Variants in TBCD observed in about 807,000 individuals in gnomAD.
TBCD encodes tubulin folding cofactor D.
Under a neutral mutation model 169.3 loss-of-function variants are expected in TBCD, and 105 were observed. The observed-to-expected ratio is 0.62, with a 90% CI of 0.53 to 0.73. The LOEUF (loss-of-function observed/expected upper bound fraction) is 0.73, where lower values mean the gene tolerates loss of function less well. TBCD is among the 30% of genes least tolerant of loss of function. TBCD has a pLI of 0.00. For missense variants in TBCD, 1,444 were observed against 1,600.1 expected (o/e 0.90, Z 1.66); for synonymous variants, 700 against 643.9 (o/e 1.09, Z -1.32).
intron 11 of TBCD, among the ~76,000 whole-genome samples, chr17:82,808,519 C>T: frequency 2.3e-5 from 1 of 43,120 alleles, no homozygotes; most frequent in East Asian, 6.9e-4. Flanking sequence ...GAGGCCCCTG[C>T]TGTGGAGGGG....
At chr17:82,845,650 C>A (rs2054974347) in intron 13 of TBCD, among the ~76,000 whole-genome samples, 1 of 151,700 alleles carries the variant, frequency 6.6e-6, no homozygotes, top group Non-Finnish European at 1.5e-5. Context: ...CTGCCCAGCC[C>A]ACCCCGGTCC....
chr17:82,766,133 T>C (rs1170818139), intron 3 of TBCD, 134 bp from the exon 4 acceptor site: 1 of 706,026 alleles, frequency 1.4e-6, no homozygotes, highest in Non-Finnish European at 2.4e-6. Flanking sequence ...CTAAATTGTG[T>C]CACTGTAATG....
rs1285577474 is a variant in TBCD, at chr17:82,927,247, G to A, written c.2533G>A (p.Val845Ile). The stretch of plus-strand genomic sequence containing the variant: ...AGACGAAGCTGTGTGCGGAGAGAAT[G>A]TTTCCCAGATTTACTGTGCGCTGCT... ...APDEAVCGEN[V>I]SQIYCALLGC... Residue 845 changes from valine (V) to isoleucine (I), a missense_variant, in exon 29 of 39, where the codon GTT (valine) becomes ATT (isoleucine). By Grantham distance (29) the Val-to-Ile change is conservative. Coordinates refer to ENST00000355528, the MANE Select transcript of TBCD (RefSeq NM_005993.5). The A allele has an allele frequency of 1.9e-6, 3 of 1,613,942 alleles. No individual in the cohort carries two copies. The highest frequency in any genetic ancestry group is 1.1e-5 in the South Asian group (1 of 91,074).
chr17:82,766,947 G>T (rs771645897), intron 4 of TBCD, among the ~76,000 whole-genome samples: 7 of 152,222 alleles, frequency 4.6e-5, no homozygotes, highest in Non-Finnish European at 7.3e-5. Context: ...GGTGCCCAGA[G>T]CTTTCACTGG....
At position 82,831,495 on chromosome 17, in the gene TBCD, T is replaced by C. The variant is rs1233434519; in HGVS notation, c.1318+16561T>C. The C allele has an allele frequency of 6.2e-7, 1 of 1,613,980 alleles. No homozygotes were observed. The highest frequency in any genetic ancestry group is 1.7e-5 in the Admixed American group (1 of 60,004). ...AAAATGCAGACTCTGGCCTGTAAAA[T>C]CCGTAAGGAATCGGCAGGTTAGAGG... On this transcript the variant is annotated intron_variant, in intron 13 of 38. Transcript: ENST00000355528. The surrounding 1 kb of genome is among the most constrained non-coding windows in gnomAD (Gnocchi z 4.6).
chr17:82,866,926 A>G (rs1293913548), intron 13 of TBCD, among the ~76,000 whole-genome samples: 1 of 152,214 alleles, frequency 6.6e-6, no homozygotes, highest in Non-Finnish European at 1.5e-5. Context: ...CTCCTAGGCC[A>G]TCAGTTTTCC....
chr17:82,808,759 C>G (rs2051204804), intron 11 of TBCD, among the ~76,000 whole-genome samples: 1 of 146,536 alleles, frequency 6.8e-6, no homozygotes, highest in Non-Finnish European at 1.5e-5. Flanking sequence ...CAGGGAGGTC[C>G]CTGCTGTGGA....
chr17:82,842,641 A>AT (rs1464421050), intron 13 of TBCD, among the ~76,000 whole-genome samples: 3 of 152,030 alleles, frequency 2.0e-5, no homozygotes, highest in Non-Finnish European at 4.4e-5. Flanking sequence ...TGCAAGAGAG[A>AT]TTTTTTTGGA....
rs1161583523 is a variant in TBCD, at chr17:82,942,596, A to G, written c.*133A>G. 7 of 1,229,644 alleles carry G rather than the reference A, an allele frequency of 5.7e-6. No individual in the cohort carries two copies. Among genetic ancestry groups the G allele is most frequent in the Non-Finnish European group, 7.0e-6 (6 of 854,306 alleles). The allele number at this position is 1,229,644 out of a possible 1,614,324, so 76.2% of individuals were successfully genotyped here. A position where few individuals can be genotyped will look rare whatever the true frequency, so the allele number is the denominator to read the frequency against. On this transcript the variant is annotated 3_prime_UTR_variant, in exon 39 of 39. Transcript: ENST00000355528. ...GTAGCGCTGGCCCTTGGAGGCTGGC[A>G]CTAGCTGACAGCTTTTCCTCTCTGC...
In TBCD at chr17:82,841,772, A is replaced by G. The variant is rs370421438; in HGVS notation, c.1318+26838A>G. On this transcript the variant is annotated intron_variant, in intron 13 of 38. Transcript: ENST00000355528. The stretch of plus-strand genomic sequence containing the variant: ...GCCGAGTGCTGCTTCTGTTTCATGG[A>G]CACTGACTGAGGTGGCTCCGTGGGA... Among the ~76,000 whole-genome samples the G allele has an allele frequency of 3.7e-4, 56 of 152,272 alleles. 1 individual carries two copies. The highest frequency in any genetic ancestry group is 1.3e-3 in the African/African-American group (55 of 41,556).
chr17:82,931,689 C>T (rs961102770), intron 33 of TBCD, among the ~76,000 whole-genome samples: 18 of 152,340 alleles, frequency 1.2e-4, no homozygotes, highest in Admixed American at 8.5e-4. Flanking sequence ...CTGGGCCTCC[C>T]TCTCTGTGGG....
intron 13 of TBCD, among the ~76,000 whole-genome samples, chr17:82,836,904 A>G (rs1175820595): frequency 2.0e-5 from 3 of 152,132 alleles, no homozygotes; most frequent in Admixed American, 6.6e-5. Flanking sequence ...CAGTTAGTTC[A>G]CGTAAGCGGG....
chr17:82,777,531 G>A (rs987934608), intron 6 of TBCD, among the ~76,000 whole-genome samples: 3 of 152,270 alleles, frequency 2.0e-5, no homozygotes, highest in East Asian at 1.9e-4. Context: ...GTAAGGTCTC[G>A]TGGGTCACGT....
At chr17:82,858,781 C>T (rs908896715) in intron 13 of TBCD, 15 of 456,242 alleles carry the variant, frequency 3.3e-5, no homozygotes, top group East Asian at 1.6e-4. Context: ...CCTGCTCAGC[C>T]GGTCCATGGC....
chr17:82,834,852 C>T (rs11654320), intron 13 of TBCD, among the ~76,000 whole-genome samples: 64,091 of 151,936 alleles, frequency 0.42, 13,773 homozygotes, highest in East Asian at 0.54. Flanking sequence ...ACACGTTCTG[C>T]ACTTGTGTCC....
chr17:82,852,136 A>G (rs1336174393), intron 13 of TBCD, among the ~76,000 whole-genome samples: 2 of 127,646 alleles, frequency 1.6e-5, no homozygotes, highest in Admixed American at 7.7e-5. Context: ...GTCATCCCCA[A>G]CCCCCCCGAC....
At position 82,906,006 on chromosome 17, in the gene TBCD, C is replaced by T. The variant is rs779486142; in HGVS notation, c.1875C>T (p.Cys625=). The change falls in exon 20 of 39, where the codon TGC becomes TGT. Residue 625 remains cysteine (C), a synonymous_variant. Coordinates refer to ENST00000355528, the MANE Select transcript of TBCD (RefSeq NM_005993.5). ...LHMRHGSILA[C]AEVAYALYKL... is the part of the protein sequence containing the mutation. The stretch of plus-strand genomic sequence containing the variant: ...TGAGGCATGGGTCGATTCTCGCCTG[C>T]GCAGAAGTTGCTTACGCCTTGTACA... The T allele has an allele frequency of 9.3e-6, 15 of 1,612,788 alleles. No individual in the cohort carries two copies. The Admixed American group carries it at 1.3e-4, about 14-fold the overall frequency.
rs2145277185 is a variant in TBCD, at chr17:82,832,189, T to A, written c.1318+17255T>A. 1 of 1,614,254 alleles carries A rather than the reference T, an allele frequency of 6.2e-7. No homozygotes were observed. Among genetic ancestry groups the A allele is most frequent in the Non-Finnish European group, 8.5e-7 (1 of 1,180,044 alleles). Reference sequence around the variant, plus strand: ...GGCAGAGAGTCCATTTGCGACAGACTTGGAAGAGGCTGGCTTCGCCGTGGC... The same window carrying A: ...GGCAGAGAGTCCATTTGCGACAGACATGGAAGAGGCTGGCTTCGCCGTGGC... On this transcript the variant is annotated intron_variant, in intron 13 of 38. Coordinates refer to ENST00000355528, the MANE Select transcript of TBCD (RefSeq NM_005993.5). This position sits in a 1 kb window ranked among gnomAD's most constrained non-coding sequence, Gnocchi z 4.9.
chr17:82,830,185 G>A, intron 13 of TBCD: 11 of 1,614,238 alleles, frequency 6.8e-6, no homozygotes, highest in Non-Finnish European at 8.5e-6. Context: ...CACTCTGGCC[G>A]TGTCCTGCAG....
Sources: gnomAD v4.1 joint callset for allele counts (sites outside exome capture counted in the v4.1 genomes callset) on GRCh38, gnomAD v4.1.1 for gene constraint, Gnocchi (gnomAD v3.1) non-coding constraint, MANE v1.5 for transcripts, NCBI Gene and HGNC (gene_info 2026-07-23, HGNC 2026-07-21) for gene names.